Variants in ADGRG4 observed in about 807,000 individuals in gnomAD.
ADGRG4 encodes the protein G protein-coupled receptor 112.
A neutral mutation model predicts 126.2 loss-of-function variants in ADGRG4; 122 were observed. That is an observed-to-expected ratio of 0.97 (90% CI 0.83 to 1.12). ADGRG4 has a LOEUF of 1.12. Among genes scored for constraint, ADGRG4 ranks in the 50% most tolerant of loss-of-function variants. The probability of loss-of-function intolerance (pLI) is 0.00; values close to 1 mark genes in which losing one functional copy is unlikely to be tolerated. For synonymous variants in ADGRG4, 943 were observed against 838.7 expected, an observed-to-expected ratio of 1.12 and a Z score of -2.15; for missense variants, 2,481 against 2,251.8, an observed-to-expected ratio of 1.10 and a Z score of -2.06.
rs188144687 is a variant in ADGRG4 at position 136,414,420 on chromosome X, T to A, written c.9205+93T>A. On this transcript the variant is annotated intron_variant, in intron 25 of 25. Transcript: ENST00000394143. ...ACTGGGTCTTGGATGATACTTCCTC[T>A]TCAAAACTAAATGCACATGTGCATG... 6.1e-5 allele frequency: 44 copies of A among 725,515 alleles called. No individual in the cohort carries two copies. In the African/African-American group the frequency reaches 9.2e-4, roughly 15 times the overall value. The allele number at this position is 725,515 out of a possible 1,213,427, so 59.8% of individuals were successfully genotyped here. A position where few individuals can be genotyped will look rare whatever the true frequency, so the allele number is the denominator to read the frequency against.
chrX:136,320,423 T>C (rs779935993), intron 4 of ADGRG4, among the ~76,000 whole-genome samples: 1 of 112,172 alleles, frequency 8.9e-6, no homozygotes, highest in Non-Finnish European at 1.9e-5. Context: ...TAAGAGTGAC[T>C]CATTTCCCCA....
At chrX:136,323,721 C>T (rs770295349) in intron 5 of ADGRG4, among the ~76,000 whole-genome samples, 1 of 111,055 alleles carries the variant, frequency 9.0e-6, no homozygotes, top group East Asian at 2.8e-4. Flanking sequence ...TTCTCTTAAC[C>T]AGGCTATAAT....
At chrX:136,365,575 G>T (rs917182275) in intron 13 of ADGRG4, among the ~76,000 whole-genome samples, 2 of 111,340 alleles carry the variant, frequency 1.8e-5, no homozygotes, top group African/African-American at 6.5e-5. Context: ...AATTTTCTCG[G>T]GTATACACTG....
At chrX:136,317,969 G>A (rs974611203) in intron 4 of ADGRG4, among the ~76,000 whole-genome samples, 2 of 112,195 alleles carry the variant, frequency 1.8e-5, no homozygotes, top group Non-Finnish European at 3.8e-5. Context: ...CAGCTGCTGT[G>A]AAAAACAGTT....
intron 13 of ADGRG4, among the ~76,000 whole-genome samples, chrX:136,368,097 T>G (rs2075170907): frequency 8.9e-6 from 1 of 111,838 alleles, no homozygotes; most frequent in South Asian, 3.8e-4. Flanking sequence ...AAAGCACAGC[T>G]GTTCCAACCC....
chrX:136,308,835 A>G lies in ADGRG4; in HGVS notation c.58A>G (p.Ile20Val). 1 of 1,107,856 alleles carries G rather than the reference A, an allele frequency of 9.0e-7. No homozygotes were observed. Among genetic ancestry groups the G allele is most frequent in the Admixed American group, 2.2e-5 (1 of 45,680 alleles). 91.3% of individuals were successfully genotyped at this position (1,107,856 alleles called of 1,213,427 possible). The change falls in exon 4 of 26, where the codon ATC becomes GTC. Residue 20 changes from isoleucine (I) to valine (V), a missense_variant. By Grantham distance (29) the Ile-to-Val change is conservative (BLOSUM62 3). Transcript: ENST00000394143. ...LYGLILMSSFIFLSDTLSLKG... is the reference protein window; with the variant it reads ...LYGLILMSSFVFLSDTLSLKG... ...TGGATTGATTCTCATGTCGAGTTTTATCTTTCTCTCAGGTAAGAAAATGTA... is the reference window on the plus strand; with the variant it reads ...TGGATTGATTCTCATGTCGAGTTTTGTCTTTCTCTCAGGTAAGAAAATGTA...
chrX:136,373,745 A>T lies in ADGRG4; in HGVS notation c.7776+681A>T, dbSNP rs143055608. On this transcript the variant is annotated intron_variant, in intron 15 of 25. Transcript: ENST00000394143. ...TTTGGGAGGTCAAGGTGGGAGGATC[A>T]CTTGAACTCAGGAGTTTGAGACCAG... Among the ~76,000 whole-genome samples, 871 of 110,937 alleles carry T rather than the reference A, an allele frequency of 7.9e-3. 7 individuals carry two copies. The highest frequency in any genetic ancestry group is 0.011 in the Non-Finnish European group (605 of 52,957).
At chrX:136,317,499 C>CAAAAAA (rs35736381) in intron 4 of ADGRG4, among the ~76,000 whole-genome samples, 6 of 40,616 alleles carry the variant, frequency 1.5e-4, no homozygotes, top group Middle Eastern at 0.019. Flanking sequence ...GACTCCATCT[C>CAAAAAA]AAAAAAAAAA....
Position 136,348,877 on chromosome X carries a change from G to T in ADGRG4, c.5171G>T (p.Arg1724Met). 8.3e-7 allele frequency: 1 copy of T among 1,207,108 alleles called. No homozygotes were observed. The highest frequency in any genetic ancestry group is 1.1e-6 in the Non-Finnish European group (1 of 892,294). ...GGCATATTATCTGGGATTACTAACA[G>T]GTCCCTATCTACTGTGAACAGTGGT... Reference protein sequence around the residue: ...TLGILSGITNRSLSTVNSGTG... With the variant: ...TLGILSGITNMSLSTVNSGTG... Residue 1724 changes from arginine (R) to methionine (M), a missense_variant, in exon 6 of 26, where the codon AGG becomes ATG. Physicochemically the swap from Arg to Met is moderately conservative, Grantham distance 91. Transcript: ENST00000394143.
At position 136,397,931 on chromosome X, in the gene ADGRG4, T is replaced by A; in HGVS notation, c.8235T>A (p.Leu2745=). 8.4e-7 allele frequency: 1 copy of A among 1,184,562 alleles called. No individual in the cohort carries two copies. The highest frequency in any genetic ancestry group is 1.1e-6 in the Non-Finnish European group (1 of 870,766). Residue 2745 remains leucine, a synonymous_variant, in exon 20 of 26, where the codon CTT becomes CTA. Coordinates refer to ENST00000394143, the MANE Select transcript of ADGRG4 (RefSeq NM_153834.4). ...CAGTGAATGAACAGATATTAGCGCTTATAACATACACCGGATGTGGAATCT... is the reference window on the plus strand; with the variant it reads ...CAGTGAATGAACAGATATTAGCGCTAATAACATACACCGGATGTGGAATCT... ...VDSVNEQILA[L]ITYTGCGISS... is the part of the protein sequence containing the mutation.
intron 5 of ADGRG4, among the ~76,000 whole-genome samples, chrX:136,341,698 C>G (rs2074979956): frequency 8.9e-6 from 1 of 112,014 alleles, no homozygotes; most frequent in African/African-American, 3.2e-5. Context: ...ATAGCTTTGT[C>G]TTTTCCCCTT....
At chrX:136,309,181 G>A (rs950529871) in intron 4 of ADGRG4, among the ~76,000 whole-genome samples, 5 of 112,330 alleles carry the variant, frequency 4.5e-5, no homozygotes, top group South Asian at 3.7e-4. Context: ...CCTCTCCTCC[G>A]TAATGCTTTA....
At chrX:136,408,283 T>C (rs930866896) in intron 23 of ADGRG4, among the ~76,000 whole-genome samples, 6 of 111,880 alleles carry the variant, frequency 5.4e-5, no homozygotes, top group African/African-American at 2.0e-4. Context: ...TATCATGTCA[T>C]GTTGAGGCTT....
intron 18 of ADGRG4, 91 bp downstream of exon 18, chrX:136,393,671 C>G (rs1361417433): frequency 1.7e-6 from 1 of 604,322 alleles, no homozygotes; most frequent in Non-Finnish European, 2.8e-6. Flanking sequence ...AAACTACTGT[C>G]TTATCAGACC....
Position 136,344,441 on chromosome X carries a change from A to G in ADGRG4, c.735A>G (p.Gln245=). The part of the protein sequence containing the change: ...TIQEKSTTVS[Q]QIDMTTPSQI... ...AAGAAAAAAGTACAACTGTTTCACA[A>G]CAGATAGATATGACCACTCCATCCC... Residue 245 remains glutamine (Q), a synonymous_variant, in exon 6 of 26, where the codon CAA becomes CAG. Transcript: ENST00000394143. 5 of 1,182,716 alleles carry G rather than the reference A, an allele frequency of 4.2e-6. No individual in the cohort carries two copies. Among genetic ancestry groups the G allele is most frequent in the Non-Finnish European group, 5.7e-6 (5 of 876,064 alleles).
Position 136,348,085 on chromosome X carries a change from A to C in ADGRG4, c.4379A>C (p.Gln1460Pro). The C allele has an allele frequency of 8.3e-7, 1 of 1,210,115 alleles. No individual in the cohort carries two copies. Among genetic ancestry groups the C allele is most frequent in the Non-Finnish European group, 1.1e-6 (1 of 894,000 alleles). The change falls in exon 6 of 26, where the codon CAG becomes CCG. Residue 1460 changes from glutamine to proline, a missense_variant. Physicochemically the swap from Gln to Pro is moderately conservative, Grantham distance 76 (BLOSUM62 -1). Coordinates refer to ENST00000394143, the MANE Select transcript of ADGRG4 (RefSeq NM_153834.4). ...SVASFISESTQTFPESLSLST... is the reference protein window; with the variant it reads ...SVASFISESTPTFPESLSLST... ...GCCTCTTTCATTTCTGAAAGCACAC[A>C]GACTTTCCCTGAGTCCTTGTCTCTT...
At chrX:136,399,811 C>T in intron 20 of ADGRG4, 37 bp from the exon 21 acceptor site, 1 of 1,026,124 alleles carries the variant, frequency 9.7e-7, no homozygotes. Flanking sequence ...AAAAAAAAAA[C>T]AGACTTTACC....
chrX:136,384,179 G>A (rs2148488794), intron 15 of ADGRG4, among the ~76,000 whole-genome samples: 1 of 110,771 alleles, frequency 9.0e-6, no homozygotes, highest in Non-Finnish European at 1.9e-5. Context: ...CCAAAGTGCT[G>A]GGATTACAGG....
At chrX:136,368,085 G>A (rs923987193) in intron 13 of ADGRG4, among the ~76,000 whole-genome samples, 2 of 111,847 alleles carry the variant, frequency 1.8e-5, no homozygotes, top group African/African-American at 6.5e-5. Context: ...TAGAAAGACT[G>A]CAAAGCACAG....
Sources: gnomAD v4.1 joint callset for allele counts (sites outside exome capture counted in the v4.1 genomes callset) on GRCh38, gnomAD v4.1.1 for gene constraint, MANE v1.5 for transcripts, NCBI Gene and HGNC (gene_info 2026-07-23, HGNC 2026-07-21) for gene names.